Variants in FAT4 observed in about 807,000 individuals in gnomAD.
FAT4 encodes the protein protocadherin Fat 4.
Under a neutral mutation model 303.9 loss-of-function variants are expected in FAT4, and 84 were observed. The observed-to-expected ratio is 0.28, with a 90% confidence interval of 0.23 to 0.33. The LOEUF is 0.33. FAT4 is among the 10% of genes least tolerant of loss of function. The probability of loss-of-function intolerance (pLI) is 1.00; values close to 1 mark genes in which losing one functional copy is unlikely to be tolerated. For synonymous variants in FAT4, 2,307 were observed against 2,298.8 expected (o/e 1.00, Z -0.10); for missense variants, 6,005 against 6,146.8 (o/e 0.98, Z 0.77).
At chr4:125,489,872 A>ATTTTT (rs1351056181) in intron 17 of FAT4, 29 bp from the exon 18 acceptor site, 1 of 317,828 alleles carries the variant, frequency 3.1e-6, no homozygotes, top group African/African-American at 7.6e-5. Context: ...TTTTTTTGTA[A>ATTTTT]AAAGCCTTAC....
intron 10 of FAT4, among the ~76,000 whole-genome samples, chr4:125,461,513 C>T (rs924158942): frequency 1.3e-5 from 2 of 151,876 alleles, no homozygotes; most frequent in African/African-American, 2.4e-5. Context: ...AATTTTGTAA[C>T]CCACTAACAT....
In FAT4 at chr4:125,317,058, A is replaced by T; in HGVS notation, c.647A>T (p.Tyr216Phe). ...CTGGACCGTGAGGTCACTCCGCAGT[A>T]CCAGCTCCTGGTTGAGGTGGAGGAC... ...GGLDREVTPQ[Y>F]QLLVEVEDKG... The change falls in exon 2 of 18, where the codon TAC (tyrosine) becomes TTC (phenylalanine). Residue 216 changes from tyrosine (Y) to phenylalanine (F), a missense_variant. Coordinates refer to ENST00000394329, the MANE Select transcript of FAT4 (RefSeq NM_001291303.3). This position sits in a 1 kb window ranked among gnomAD's most constrained non-coding sequence, Gnocchi z 7.0. The T allele has an allele frequency of 1.2e-6, 2 of 1,614,030 alleles. No individual in the cohort carries two copies. Among genetic ancestry groups the T allele is most frequent in the Non-Finnish European group, 8.5e-7 (1 of 1,180,030 alleles).
rs924592671 is a variant in FAT4, at chr4:125,320,801, C to T, written c.4390C>T (p.Pro1464Ser). 5.6e-6 allele frequency: 9 copies of T among 1,613,892 alleles called. No homozygotes were observed. The highest frequency in any genetic ancestry group is 1.3e-5 in the African/African-American group (1 of 74,940). Residue 1464 changes from proline to serine, a missense_variant, in exon 2 of 18, where the codon CCA becomes TCA. By Grantham distance (74) the Pro-to-Ser change is moderately conservative (BLOSUM62 -1). Coordinates refer to ENST00000394329, the MANE Select transcript of FAT4 (RefSeq NM_001291303.3). Reference protein sequence around the residue: ...QLSYTIIQQMPRGNHFTIDEV... With the variant: ...QLSYTIIQQMSRGNHFTIDEV... ...ATCCTACACAATCATTCAACAGATG[C>T]CAAGAGGCAACCACTTTACCATAGA...
chr4:125,365,764 G>A (rs1470528921), intron 2 of FAT4, among the ~76,000 whole-genome samples: 5 of 152,158 alleles, frequency 3.3e-5, no homozygotes, highest in Non-Finnish European at 7.4e-5. Flanking sequence ...GAAACGCCTT[G>A]AATATAACTA....
At chr4:125,392,413 T>TTA (rs2126007840) in intron 2 of FAT4, among the ~76,000 whole-genome samples, 2 of 152,230 alleles carry the variant, frequency 1.3e-5, no homozygotes, top group East Asian at 3.9e-4. Context: ...ATGCATCAGG[T>TTA]GTTACTATTT....
intron 2 of FAT4, among the ~76,000 whole-genome samples, chr4:125,365,024 G>A (rs943276094): frequency 3.3e-5 from 5 of 152,160 alleles, no homozygotes; most frequent in African/African-American, 4.8e-5. Context: ...CATGCATTGA[G>A]TGGAGATGTG....
rs762147109 is a variant in FAT4 at position 125,316,443 on chromosome 4, G to C, written c.32G>C (p.Arg11Pro). The part of the protein sequence containing the change: MDLAPDRATG[R>P]PWLPLHTLSV... ...TTAGCACCAGACAGGGCTACTGGCCGCCCGTGGCTCCCGTTGCACACTCTA... is the reference window on the plus strand; with the variant it reads ...TTAGCACCAGACAGGGCTACTGGCCCCCCGTGGCTCCCGTTGCACACTCTA... The change falls in exon 2 of 18, where the codon CGC becomes CCC. Residue 11 changes from arginine to proline, a missense_variant. Transcript: ENST00000394329. This position sits in a 1 kb window ranked among gnomAD's most constrained non-coding sequence, Gnocchi z 5.7. 6.2e-7 allele frequency: 1 copy of C among 1,613,018 alleles called. No individual in the cohort carries two copies. Among genetic ancestry groups the C allele is most frequent in the Non-Finnish European group, 8.5e-7 (1 of 1,179,428 alleles).
At chr4:125,463,220 T>A (rs1177937159) in intron 10 of FAT4, among the ~76,000 whole-genome samples, 1 of 152,014 alleles carries the variant, frequency 6.6e-6, no homozygotes, top group Non-Finnish European at 1.5e-5. Context: ...CAACTTTCTA[T>A]CTATAAAATA....
chr4:125,327,415 A>C (rs1731200811), intron 2 of FAT4, among the ~76,000 whole-genome samples: 1 of 152,124 alleles, frequency 6.6e-6, no homozygotes, highest in Admixed American at 6.5e-5. Flanking sequence ...AAATAGGAAA[A>C]CATTTTACTG....
rs761122330 is a variant in FAT4, at chr4:125,318,258, G to T, written c.1847G>T (p.Gly616Val). 2 of 1,614,202 alleles carry T rather than the reference G, an allele frequency of 1.2e-6. No homozygotes were observed. The highest frequency in any genetic ancestry group is 1.7e-6 in the Non-Finnish European group (2 of 1,180,036). Residue 616 changes from glycine to valine, a missense_variant, in exon 2 of 18, where the codon GGA (glycine) becomes GTA (valine). Coordinates refer to ENST00000394329, the MANE Select transcript of FAT4 (RefSeq NM_001291303.3). ...RATDGDLGDNGTVRFSLQEAE... is the reference protein window; with the variant it reads ...RATDGDLGDNVTVRFSLQEAE... ...ACTGACGGGGACCTGGGTGACAACG[G>T]AACAGTGCGCTTCTCCTTACAAGAG...
At chr4:125,352,611 C>G (rs1392523146) in intron 2 of FAT4, among the ~76,000 whole-genome samples, 5 of 151,746 alleles carry the variant, frequency 3.3e-5, no homozygotes, top group African/African-American at 1.2e-4. Context: ...GTTTTCTGCA[C>G]TTCATTTGTG....
intron 7 of FAT4, among the ~76,000 whole-genome samples, chr4:125,429,124 G>A (rs1725197579): frequency 6.6e-6 from 1 of 152,116 alleles, no homozygotes. Context: ...TACACTATCT[G>A]CAAAACTTTG....
At chr4:125,437,319 T>C (rs1264919507) in intron 8 of FAT4, among the ~76,000 whole-genome samples, 1 of 152,102 alleles carries the variant, frequency 6.6e-6, no homozygotes, top group Admixed American at 6.5e-5. Context: ...CCAAGGAGAC[T>C]AGGAGTTAAG....
At chr4:125,366,375 G>A (rs1219349594) in intron 2 of FAT4, among the ~76,000 whole-genome samples, 1 of 152,118 alleles carries the variant, frequency 6.6e-6, no homozygotes, top group African/African-American at 2.4e-5. Flanking sequence ...TCCCAGGTTA[G>A]TTGGGTAAGG....
chr4:125,338,679 A>C (rs1421047505), intron 2 of FAT4, among the ~76,000 whole-genome samples: 1 of 152,106 alleles, frequency 6.6e-6, no homozygotes, highest in Non-Finnish European at 1.5e-5. Context: ...TCACCAGCTG[A>C]TTACGGTAAC....
intron 2 of FAT4, among the ~76,000 whole-genome samples, chr4:125,325,688 CT>C (rs1231695780): frequency 6.6e-6 from 1 of 152,158 alleles, no homozygotes; most frequent in Non-Finnish European, 1.5e-5. Context: ...AAAGTTGAGT[CT>C]AGATTTGATA....
In FAT4 at chr4:125,461,620, A is replaced by T. The variant is rs146016851; in HGVS notation, c.11801-1943A>T. ...TTACTTTTAACACAACTCTAAAATA[A>T]TTTTTTGGATAAAGAAAGGAATGAA... On this transcript the variant is annotated intron_variant, in intron 10 of 17. Coordinates refer to ENST00000394329, the MANE Select transcript of FAT4 (RefSeq NM_001291303.3). Among the ~76,000 whole-genome samples, 1,263 of 152,122 alleles carry T rather than the reference A, an allele frequency of 8.3e-3. 18 individuals carry two copies. Among genetic ancestry groups the T allele is most frequent in the African/African-American group, 0.029 (1,215 of 41,552 alleles).
intron 2 of FAT4, among the ~76,000 whole-genome samples, chr4:125,334,246 A>G (rs1384001026): frequency 6.6e-6 from 1 of 152,094 alleles, no homozygotes; most frequent in African/African-American, 2.4e-5. Context: ...AATTTAAAGT[A>G]AAAGAAAGAT....
At chr4:125,337,508 A>G (rs1731619645) in intron 2 of FAT4, among the ~76,000 whole-genome samples, 1 of 152,024 alleles carries the variant, frequency 6.6e-6, no homozygotes, top group Non-Finnish European at 1.5e-5. Context: ...ATGAATCAAC[A>G]TTTGCTTTTA....
Sources: gnomAD v4.1 joint callset for allele counts (sites outside exome capture counted in the v4.1 genomes callset) on GRCh38, gnomAD v4.1.1 for gene constraint, Gnocchi (gnomAD v3.1) non-coding constraint, MANE v1.5 for transcripts, NCBI Gene and HGNC (gene_info 2026-07-23, HGNC 2026-07-21) for gene names.